EML6: variants seen among roughly 807,000 people sequenced by gnomAD.
The protein encoded by EML6 is echinoderm microtubule-associated protein-like 6.
A neutral mutation model predicts 240.1 loss-of-function variants in EML6; 154 were observed. The ratio of observed to expected loss-of-function variants is 0.64; its 90% confidence interval spans 0.56 to 0.73. The LOEUF (loss-of-function observed/expected upper bound fraction) is 0.73. EML6 is among the 30% of genes least tolerant of loss of function. The pLI, the probability that EML6 is intolerant of heterozygous loss-of-function variation, is 0.00. For missense variants in EML6, 2,964 were observed against 2,474.6 expected (o/e 1.20, Z -4.20); for synonymous variants, 1,148 against 899.0 (o/e 1.28, Z -4.95).
intron 2 of EML6, among the ~76,000 whole-genome samples, chr2:54,801,069 C>A (rs1045835855): frequency 6.6e-6 from 1 of 151,982 alleles, no homozygotes; most frequent in Non-Finnish European, 1.5e-5. Context: ...CTCTGTAATC[C>A]CAGCATTTTG....
chr2:54,834,474 G>A (rs954662066), intron 7 of EML6, among the ~76,000 whole-genome samples: 1 of 152,148 alleles, frequency 6.6e-6, no homozygotes, highest in African/African-American at 2.4e-5. Context: ...TATTCACACA[G>A]TATAAGATGT....
intron 17 of EML6, among the ~76,000 whole-genome samples, chr2:54,886,653 G>A (rs1672161527): frequency 6.6e-6 from 1 of 152,208 alleles, no homozygotes; most frequent in Admixed American, 6.5e-5. Context: ...TCATCAGTGT[G>A]AAGTGGTATC....
Position 54,808,001 on chromosome 2 carries a change from C to T in EML6, c.198-5231C>T, listed in dbSNP as rs983900130. ...TAAATCACATTCTCATTAGATGCAC[C>T]ACTCATCAAGCTTGTTAAAGTCCAG... On this transcript the variant is annotated intron_variant, in intron 2 of 41. Coordinates refer to ENST00000356458, the MANE Select transcript of EML6 (RefSeq NM_001039753.4). Among the ~76,000 whole-genome samples the T allele has an allele frequency of 7.2e-5, 11 of 152,164 alleles. 1 individual carries two copies. Among genetic ancestry groups the T allele is most frequent in the Admixed American group, 5.2e-4 (8 of 15,282 alleles).
intron 7 of EML6, among the ~76,000 whole-genome samples, chr2:54,833,495 A>G (rs1020034104): frequency 1.3e-5 from 2 of 152,262 alleles, no homozygotes; most frequent in African/African-American, 2.4e-5. Flanking sequence ...GCTAATTAGG[A>G]CACTTGACTT....
rs574301561 is a variant in EML6 at position 54,866,405 on chromosome 2, T to A, written c.1933-361T>A. Among the ~76,000 whole-genome samples, 259 of 152,350 alleles carry A rather than the reference T, an allele frequency of 1.7e-3. 1 individual carries two copies. In the Middle Eastern group the frequency reaches 0.02, roughly 12 times the overall value. ...TTCAGGAGAAAATTGTCATGACTCATGAGGTCCACATTTTTCAACTGTCAG... is the reference window on the plus strand; with the variant it reads ...TTCAGGAGAAAATTGTCATGACTCAAGAGGTCCACATTTTTCAACTGTCAG... On this transcript the variant is annotated intron_variant, in intron 13 of 41. Transcript: ENST00000356458.
chr2:54,882,147 C>T (rs1164363951), intron 17 of EML6: 2 of 152,156 alleles, frequency 1.3e-5, no homozygotes, highest in African/African-American at 4.8e-5. Flanking sequence ...TTACAAGATA[C>T]TCAAGATTTT....
At chr2:54,757,788 A>G (rs1667805541) in intron 2 of EML6, among the ~76,000 whole-genome samples, 2 of 150,870 alleles carry the variant, frequency 1.3e-5, no homozygotes, top group South Asian at 4.2e-4. Context: ...CTTCTTTCTG[A>G]CTTCCCCCTT....
At chr2:54,900,809 A>T (rs1236078587) in intron 22 of EML6, among the ~76,000 whole-genome samples, 3 of 152,142 alleles carry the variant, frequency 2.0e-5, no homozygotes, top group African/African-American at 7.2e-5. Flanking sequence ...CAAAAAGGGG[A>T]TGTGAAAGGA....
chr2:54,836,077 C>T (rs565881009), intron 7 of EML6, among the ~76,000 whole-genome samples: 1 of 152,204 alleles, frequency 6.6e-6, no homozygotes. Context: ...CCTTCAGCCT[C>T]ACTGTTCTGC....
At chr2:54,816,990 C>T (rs2104079546) in intron 4 of EML6, 105 bp downstream of exon 4, 2 of 703,528 alleles carry the variant, frequency 2.8e-6, no homozygotes, top group South Asian at 1.8e-5. Context: ...TTTCAGTATA[C>T]ATTTTTTCCT....
intron 2 of EML6, among the ~76,000 whole-genome samples, chr2:54,806,612 C>CCAAAAAAAAAAAAAAAAAAAAAAA: frequency 1.9e-5 from 1 of 52,864 alleles, no homozygotes; most frequent in South Asian, 8.4e-4. Context: ...ACTCCGTCTC[C>CCAAAAAAAAAAAAAAAAAAAAAAA]AAAAAAAAAA....
At chr2:54,954,214 T>TC in intron 32 of EML6, 58 bp downstream of exon 32, 1 of 1,470,382 alleles carries the variant, frequency 6.8e-7, no homozygotes, top group South Asian at 1.3e-5. Flanking sequence ...GTGTCGAGCC[T>TC]GTGGGCTCGA....
At chr2:54,948,156 C>A (rs993977135) in intron 28 of EML6, among the ~76,000 whole-genome samples, 13 of 152,194 alleles carry the variant, frequency 8.5e-5, no homozygotes, top group African/African-American at 3.1e-4. Flanking sequence ...CTGGCGTACT[C>A]CTCTAGGATT....
intron 14 of EML6, chr2:54,868,900 A>T (rs1259840458): frequency 8.5e-6 from 3 of 351,240 alleles, no homozygotes; most frequent in African/African-American, 6.2e-5. Flanking sequence ...CTCATCACAG[A>T]TGTGTTCTCA....
Position 54,724,228 on chromosome 2 carries a change from G to A in EML6, c.-513-321G>A, listed in dbSNP as rs1268133493. 1.3e-5 allele frequency among the ~76,000 whole-genome samples: 2 copies of A among 152,144 alleles called. No homozygotes were observed. The highest frequency in any genetic ancestry group is 2.9e-5 in the Non-Finnish European group (2 of 68,022). ...AGTTCTTTATGGCTTTCTCGGTGAA[G>A]AGAAGGTTCACGGAGGATATGATTA... On this transcript the variant is annotated intron_variant, in intron 1 of 41. Coordinates refer to ENST00000356458, the MANE Select transcript of EML6 (RefSeq NM_001039753.4). The surrounding 1 kb of genome is among the most constrained non-coding windows in gnomAD (Gnocchi z 5.2).
At position 54,968,727 on chromosome 2, in the gene EML6, T is replaced by C. The variant is rs764722833; in HGVS notation, c.5811T>C (p.Tyr1937=). ...ACGTGACGAACATCCGTTTCTCTTA[T>C]GATGACAAGTATGTGGTCAGCACTG... ...SAHVTNIRFS[Y]DDKYVVSTGG... The change falls in exon 41 of 42, where the codon TAT becomes TAC. Residue 1937 remains tyrosine, a synonymous_variant. Transcript: ENST00000356458. 15 of 1,551,060 alleles carry C rather than the reference T, an allele frequency of 9.7e-6. No individual in the cohort carries two copies. In the South Asian group the frequency reaches 1.4e-4, roughly 15 times the overall value.
intron 24 of EML6, among the ~76,000 whole-genome samples, chr2:54,905,403 T>C (rs2104242444): frequency 7.0e-6 from 1 of 143,240 alleles, no homozygotes; most frequent in East Asian, 2.2e-4. Context: ...ATACGTGAAA[T>C]CCCACCACTC....
At chr2:54,808,817 C>G (rs115437920) in intron 2 of EML6, among the ~76,000 whole-genome samples, 4,082 of 152,266 alleles carry the variant, frequency 0.027, 82 homozygotes, top group Non-Finnish European at 0.04. Context: ...GTGATCTTAT[C>G]TGACATCAGG....
At chr2:54,904,367 T>A (rs1045537792) in intron 24 of EML6, among the ~76,000 whole-genome samples, 1 of 152,128 alleles carries the variant, frequency 6.6e-6, no homozygotes, top group Non-Finnish European at 1.5e-5. Flanking sequence ...TACTTGGGAA[T>A]GGACAGCATT....
Sources: allele counts gnomAD v4.1 joint callset (sites outside exome capture counted in the v4.1 genomes callset), GRCh38; gene constraint gnomAD v4.1.1; non-coding constraint Gnocchi (gnomAD v3.1); transcripts MANE v1.5; gene names NCBI Gene and HGNC (gene_info 2026-07-23, HGNC 2026-07-21).